Variants in LRRTM4 observed in about 807,000 individuals in gnomAD.
LRRTM4 encodes leucine rich repeat transmembrane neuronal 4.
A neutral mutation model predicts 47.6 loss-of-function variants in LRRTM4; 25 were observed. The ratio of observed to expected loss-of-function variants is 0.53; its 90% CI spans 0.38 to 0.73. LRRTM4 has a LOEUF of 0.73. Ranked by LOEUF, LRRTM4 falls within the 30% of genes least tolerant of loss-of-function variation. The pLI is 0.00. For missense variants in LRRTM4, 638 were observed against 713.4 expected, an observed-to-expected ratio of 0.89 and a Z score of 1.20; for synonymous variants, 311 against 269.5, an observed-to-expected ratio of 1.15 and a Z score of -1.51.
At chr2:77,281,512 C>T (rs1363040095) in intron 3 of LRRTM4, among the ~76,000 whole-genome samples, 1 of 151,740 alleles carries the variant, frequency 6.6e-6, no homozygotes, top group Non-Finnish European at 1.5e-5. Flanking sequence ...AATGATAAAG[C>T]TAAATTTAAA....
In LRRTM4 at chr2:77,174,512, G is replaced by A. The variant is rs539541971; in HGVS notation, c.1551+343806C>T. 1.1e-3 allele frequency among the ~76,000 whole-genome samples: 167 copies of A among 152,182 alleles called. 2 individuals are homozygous for A. The highest frequency in any genetic ancestry group is 3.2e-3 in the African/African-American group (132 of 41,538). On this transcript the variant is annotated intron_variant, in intron 3 of 3. Coordinates refer to ENST00000409884, the MANE Select transcript of LRRTM4 (RefSeq NM_001134745.3). ...GGAGAAATGCCCTCAAAGGGTAACC[G>A]GTAGTTGTTACATAGAATTGGCCAA...
chr2:76,756,548 G>A (rs1673036778), intron 3 of LRRTM4, among the ~76,000 whole-genome samples: 1 of 152,072 alleles, frequency 6.6e-6, no homozygotes, highest in Admixed American at 6.6e-5. Context: ...TTTAAAGAAG[G>A]TAATTCTTCA....
intron 3 of LRRTM4, among the ~76,000 whole-genome samples, chr2:76,805,821 CA>C (rs1675936609): frequency 6.6e-6 from 1 of 151,406 alleles, no homozygotes; most frequent in East Asian, 1.9e-4. Context: ...AACAAACAAA[CA>C]AACAAACAAA....
intron 3 of LRRTM4, among the ~76,000 whole-genome samples, chr2:76,815,827 T>C (rs1352218745): frequency 1.3e-5 from 2 of 152,104 alleles, no homozygotes; most frequent in Admixed American, 1.3e-4. Context: ...AATACAAATA[T>C]AGAGAAATGA....
chr2:77,400,782 C>A (rs1271147636), intron 3 of LRRTM4, among the ~76,000 whole-genome samples: 1 of 151,776 alleles, frequency 6.6e-6, no homozygotes, highest in African/African-American at 2.4e-5. Context: ...TAAAATCCTG[C>A]CTCTGGGACT....
At chr2:76,753,676 G>A (rs1426623178) in intron 3 of LRRTM4, among the ~76,000 whole-genome samples, 1 of 152,114 alleles carries the variant, frequency 6.6e-6, no homozygotes, top group Non-Finnish European at 1.5e-5. Context: ...GGTAATTATA[G>A]AGGACTATGT....
At chr2:76,836,777 G>A (rs1305138241) in intron 3 of LRRTM4, among the ~76,000 whole-genome samples, 1 of 152,042 alleles carries the variant, frequency 6.6e-6, no homozygotes, top group African/African-American at 2.4e-5. Flanking sequence ...AGCCAATACA[G>A]AACAGAATAT....
intron 3 of LRRTM4, among the ~76,000 whole-genome samples, chr2:77,374,792 G>A (rs1261864570): frequency 1.3e-5 from 2 of 151,672 alleles, no homozygotes; most frequent in African/African-American, 4.8e-5. Context: ...ACCACTACTT[G>A]ATCTCATTGC....
intron 3 of LRRTM4, among the ~76,000 whole-genome samples, chr2:77,036,359 A>G (rs189855874): frequency 2.3e-4 from 35 of 151,810 alleles, no homozygotes; most frequent in Non-Finnish European, 4.0e-4. Context: ...AGTTTAGGGT[A>G]TTTCTTCCCC....
At chr2:76,894,207 G>A (rs1673339240) in intron 3 of LRRTM4, among the ~76,000 whole-genome samples, 1 of 151,956 alleles carries the variant, frequency 6.6e-6, no homozygotes, top group South Asian at 2.1e-4. Flanking sequence ...GTTTCCCTCA[G>A]AAAGCAGTTG....
chr2:77,459,609 T>C (rs12615942), intron 3 of LRRTM4, among the ~76,000 whole-genome samples: 24,201 of 142,862 alleles, frequency 0.17, 2,085 homozygotes, highest in South Asian at 0.35. Context: ...ATGACACTTA[T>C]ATAAACAGTT....
At chr2:77,303,090 T>A (rs1677174608) in intron 3 of LRRTM4, among the ~76,000 whole-genome samples, 1 of 152,122 alleles carries the variant, frequency 6.6e-6, no homozygotes, top group African/African-American at 2.4e-5. Flanking sequence ...AGCACTATGC[T>A]ATGTATCTGC....
intron 3 of LRRTM4, among the ~76,000 whole-genome samples, chr2:77,263,677 A>C (rs1315504096): frequency 6.6e-6 from 1 of 152,152 alleles, no homozygotes; most frequent in Non-Finnish European, 1.5e-5. Flanking sequence ...TTTTCCTGCT[A>C]TACAGATACA....
chr2:77,205,269 G>A (rs1674090113), intron 3 of LRRTM4, among the ~76,000 whole-genome samples: 1 of 152,090 alleles, frequency 6.6e-6, no homozygotes, highest in African/African-American at 2.4e-5. Context: ...AAGGGAGAAA[G>A]AAAGAAAACA....
chr2:77,210,207 G>A (rs1297960097), intron 3 of LRRTM4, among the ~76,000 whole-genome samples: 1 of 152,114 alleles, frequency 6.6e-6, no homozygotes, highest in Admixed American at 6.6e-5. Context: ...TCATGTCTGG[G>A]CCTCATGATG....
intron 3 of LRRTM4, among the ~76,000 whole-genome samples, chr2:76,972,960 A>G (rs1385637103): frequency 6.6e-6 from 1 of 152,062 alleles, no homozygotes; most frequent in Non-Finnish European, 1.5e-5. Context: ...TTTAAAAAGC[A>G]GTCTATAGTA....
At chr2:76,930,080 G>A (rs1054130888) in intron 3 of LRRTM4, among the ~76,000 whole-genome samples, 1 of 151,952 alleles carries the variant, frequency 6.6e-6, no homozygotes, top group African/African-American at 2.4e-5. Context: ...GATCAGTATT[G>A]TATCAGTTTC....
chr2:76,995,520 A>G (rs1178032205), intron 3 of LRRTM4, among the ~76,000 whole-genome samples: 1 of 149,120 alleles, frequency 6.7e-6, no homozygotes, highest in Admixed American at 6.8e-5. Flanking sequence ...TCTAGATCAA[A>G]TTCTGGGGGA....
intron 3 of LRRTM4, among the ~76,000 whole-genome samples, chr2:77,251,770 A>G (rs1439721): frequency 0.55 from 83,139 of 151,914 alleles, 23,117 homozygotes; most frequent in African/African-American, 0.6. Flanking sequence ...GTGACTGCTA[A>G]TGGCTGCATG....
Sources: gnomAD v4.1 joint callset for allele counts (sites outside exome capture counted in the v4.1 genomes callset) on GRCh38, gnomAD v4.1.1 for gene constraint, MANE v1.5 for transcripts, NCBI Gene and HGNC (gene_info 2026-07-23, HGNC 2026-07-21) for gene names.